XYLT1: variants seen among roughly 807,000 people sequenced by gnomAD.
The protein encoded by XYLT1 is xylosyltransferase 1, also known as beta-D-xylosyltransferase 1.
In XYLT1, 36 loss-of-function variants were observed where a neutral mutation model predicts 91.3. The observed-to-expected ratio is 0.39, with a 90% CI of 0.30 to 0.52. The LOEUF (loss-of-function observed/expected upper bound fraction) is 0.52, where lower values mean the gene tolerates loss of function less well. XYLT1 is among the 20% of genes least tolerant of loss of function. The pLI, the probability that XYLT1 is intolerant of heterozygous loss-of-function variation, is 0.68. For missense variants in XYLT1, 1,242 were observed against 1,284.5 expected, an observed-to-expected ratio of 0.97 and a Z score of 0.51; for synonymous variants, 588 against 532.0, an observed-to-expected ratio of 1.11 and a Z score of -1.45.
At chr16:17,243,203 T>C (rs1010371806) in intron 3 of XYLT1, among the ~76,000 whole-genome samples, 1 of 152,240 alleles carries the variant, frequency 6.6e-6, no homozygotes, top group Non-Finnish European at 1.5e-5. Flanking sequence ...GATCCTCTCA[T>C]TCTATCCTCA....
At chr16:17,139,946 G>A (rs2030912962) in intron 7 of XYLT1, among the ~76,000 whole-genome samples, 1 of 152,226 alleles carries the variant, frequency 6.6e-6, no homozygotes, top group South Asian at 2.1e-4. Flanking sequence ...TGTGCTGGGA[G>A]TGTGGCCTGC....
At chr16:17,441,076 A>AT (rs1183570883) in intron 1 of XYLT1, among the ~76,000 whole-genome samples, 1 of 151,864 alleles carries the variant, frequency 6.6e-6, no homozygotes, top group Non-Finnish European at 1.5e-5. Context: ...ATTATCATTA[A>AT]TTTTTTTGAG....
intron 2 of XYLT1, among the ~76,000 whole-genome samples, chr16:17,333,060 C>G (rs1179596057): frequency 6.6e-6 from 1 of 151,840 alleles, no homozygotes; most frequent in Non-Finnish European, 1.5e-5. Context: ...TTTCTTCCCT[C>G]TCAGGAGACT....
intron 3 of XYLT1, among the ~76,000 whole-genome samples, chr16:17,222,386 G>A (rs1215726313): frequency 6.6e-6 from 1 of 152,108 alleles, no homozygotes; most frequent in Non-Finnish European, 1.5e-5. Context: ...CACCATGTAC[G>A]GGACGGCCCC....
At chr16:17,178,411 G>A (rs1215268160) in intron 5 of XYLT1, among the ~76,000 whole-genome samples, 2 of 152,146 alleles carry the variant, frequency 1.3e-5, no homozygotes, top group South Asian at 2.1e-4. Context: ...GGGTCCTGAA[G>A]TCTGAAGCAC....
At chr16:17,246,061 C>G (rs2033431036) in intron 3 of XYLT1, among the ~76,000 whole-genome samples, 2 of 152,188 alleles carry the variant, frequency 1.3e-5, no homozygotes, top group Admixed American at 1.3e-4. Flanking sequence ...TGCAGCTGCT[C>G]CTATAGACAC....
intron 1 of XYLT1, among the ~76,000 whole-genome samples, chr16:17,420,526 G>A (rs760391940): frequency 6.6e-6 from 1 of 152,106 alleles, no homozygotes; most frequent in Non-Finnish European, 1.5e-5. Context: ...TCATAGCTAA[G>A]TAGCCAGGAC....
intron 2 of XYLT1, among the ~76,000 whole-genome samples, chr16:17,283,686 C>T (rs534011082): frequency 2.6e-5 from 4 of 152,294 alleles, no homozygotes; most frequent in Admixed American, 6.5e-5. Context: ...GGACTTCCAA[C>T]GCAACCACAA....
rs377089713 is a variant in XYLT1, at chr16:17,105,704, G to T, written c.*2991C>A. The T allele has an allele frequency of 2.0e-5, 3 of 152,134 alleles. No homozygotes were observed. The highest frequency in any genetic ancestry group is 2.9e-5 in the Non-Finnish European group (2 of 68,062). The allele number at this position is 152,134 out of a possible 1,614,324, so 9.4% of individuals were successfully genotyped here. On this transcript the variant is annotated 3_prime_UTR_variant, in exon 12 of 12. Coordinates refer to ENST00000261381, the MANE Select transcript of XYLT1 (RefSeq NM_022166.4). The stretch of plus-strand genomic sequence containing the variant: ...GCCTTCCTGAGTTTCCAGGGACCTC[G>T]TCACTGGCTCAGCTCACAGCTGCAG...
At chr16:17,406,860 T>C (rs190990124) in intron 1 of XYLT1, among the ~76,000 whole-genome samples, 2 of 152,214 alleles carry the variant, frequency 1.3e-5, no homozygotes, top group East Asian at 1.9e-4. Context: ...GTGCTTGGAA[T>C]ATATGAGGCC....
chr16:17,218,065 C>T (rs1193666824), intron 3 of XYLT1, among the ~76,000 whole-genome samples: 1 of 152,006 alleles, frequency 6.6e-6, no homozygotes, highest in Non-Finnish European at 1.5e-5. Context: ...CGAGACCAGC[C>T]TGGCCAACAT....
chr16:17,157,512 A>C (rs2031436096), intron 6 of XYLT1, among the ~76,000 whole-genome samples: 1 of 152,232 alleles, frequency 6.6e-6, no homozygotes, highest in Non-Finnish European at 1.5e-5. Flanking sequence ...ATGGACCTTC[A>C]GATTTTTTAA....
At chr16:17,217,365 T>C (rs1274302210) in intron 3 of XYLT1, among the ~76,000 whole-genome samples, 2 of 152,112 alleles carry the variant, frequency 1.3e-5, no homozygotes, top group South Asian at 2.1e-4. Flanking sequence ...CAGAACAATA[T>C]GAAGTAAAAA....
Position 17,109,014 on chromosome 16 carries a change from T to G in XYLT1, c.2561A>C (p.Glu854Ala), listed in dbSNP as rs199588257. 1.5e-4 allele frequency: 231 copies of G among 1,507,074 alleles called. 2 individuals carry two copies. The East Asian group carries it at 5.1e-3, about 34-fold the overall frequency. 93.4% of individuals were successfully genotyped at this position (1,507,074 alleles called of 1,614,324 possible). A position where few individuals can be genotyped will look rare whatever the true frequency, so the allele number is the denominator to read the frequency against. Residue 854 changes from glutamate (E) to alanine (A), a missense_variant, in exon 12 of 12, where the codon GAG becomes GCG. Coordinates refer to ENST00000261381, the MANE Select transcript of XYLT1 (RefSeq NM_022166.4). ...GGGCCCATTGTGCAGCTTCAGTGCC[T>G]CCTCTGAAAGCCAAAGGGAACAATT... ...FSNRQPIKPE[E>A]ALKLHNGPLR... is the part of the protein sequence containing the mutation.
chr16:17,295,102 G>A (rs2034289719), intron 2 of XYLT1, among the ~76,000 whole-genome samples: 1 of 152,126 alleles, frequency 6.6e-6, no homozygotes, highest in African/African-American at 2.4e-5. Flanking sequence ...GAAAAGGTGA[G>A]GTATAAGCAA....
intron 1 of XYLT1, 84 bp downstream of exon 1, chr16:17,470,350 C>T (rs944050380): frequency 9.2e-6 from 11 of 1,198,758 alleles, no homozygotes; most frequent in Non-Finnish European, 1.1e-5. Flanking sequence ...GTCTGATGAC[C>T]GAGTTCAAGG....
At chr16:17,270,040 C>T (rs1004946968) in intron 2 of XYLT1, among the ~76,000 whole-genome samples, 10 of 152,128 alleles carry the variant, frequency 6.6e-5, no homozygotes, top group Non-Finnish European at 1.5e-5. Context: ...GTCTCGAACT[C>T]CTGACCTCGT....
chr16:17,190,488 CCT>C (rs1432738381), intron 5 of XYLT1, among the ~76,000 whole-genome samples: 1 of 145,958 alleles, frequency 6.9e-6, no homozygotes, highest in African/African-American at 2.6e-5. Flanking sequence ...TGTTCCCCAC[CCT>C]GTGTCCAAGT....
chr16:17,310,575 G>A (rs1406977992), intron 2 of XYLT1, among the ~76,000 whole-genome samples: 3 of 152,196 alleles, frequency 2.0e-5, no homozygotes, highest in African/African-American at 7.2e-5. Context: ...GGCAGGCCCG[G>A]CGCAGTGGCT....
Sources: allele counts gnomAD v4.1 joint callset (sites outside exome capture counted in the v4.1 genomes callset), GRCh38; gene constraint gnomAD v4.1.1; transcripts MANE v1.5; gene names NCBI Gene and HGNC (gene_info 2026-07-23, HGNC 2026-07-21).